FAM110B: variants seen among roughly 807,000 people sequenced by gnomAD.
FAM110B encodes the protein family with sequence similarity 110 member B.
FAM110B carries 6 observed loss-of-function variants against 20.4 expected under a neutral mutation model. The observed-to-expected ratio is 0.29, with a 90% CI of 0.16 to 0.58. The LOEUF is 0.58. Ranked by LOEUF, FAM110B falls within the 20% of genes least tolerant of loss-of-function variation. FAM110B has a pLI of 0.90. For missense variants in FAM110B, 434 were observed against 498.2 expected (o/e 0.87, Z 1.23); for synonymous variants, 226 against 214.1 (o/e 1.06, Z -0.49).
At chr8:58,079,223 G>A (rs1168714287) in intron 3 of FAM110B, among the ~76,000 whole-genome samples, 6 of 152,158 alleles carry the variant, frequency 3.9e-5, no homozygotes, top group East Asian at 1.9e-4. Flanking sequence ...GAGTCGGCAC[G>A]ACAGTGAGAC....
chr8:58,079,688 G>T (rs1225226047), intron 3 of FAM110B, among the ~76,000 whole-genome samples: 1 of 152,050 alleles, frequency 6.6e-6, no homozygotes, highest in African/African-American at 2.4e-5. Context: ...GGCTGAGGTG[G>T]GAGGATTGCT....
At chr8:58,074,918 G>A (rs1190788908) in intron 2 of FAM110B, among the ~76,000 whole-genome samples, 1 of 152,076 alleles carries the variant, frequency 6.6e-6, no homozygotes, top group East Asian at 1.9e-4. Context: ...TGTTATTTAT[G>A]CAACTCATCA....
At chr8:58,039,665 C>G (rs1444269093) in intron 2 of FAM110B, among the ~76,000 whole-genome samples, 7 of 152,214 alleles carry the variant, frequency 4.6e-5, no homozygotes, top group Non-Finnish European at 8.8e-5. Flanking sequence ...AATTTCAGAT[C>G]TGCCTCCTGA....
At chr8:58,068,937 T>A (rs1268098300) in intron 2 of FAM110B, among the ~76,000 whole-genome samples, 1 of 152,212 alleles carries the variant, frequency 6.6e-6, no homozygotes, top group Non-Finnish European at 1.5e-5. Flanking sequence ...AAAACATTTT[T>A]AAAATTTATA....
intron 1 of FAM110B, among the ~76,000 whole-genome samples, chr8:58,026,775 T>C (rs531839732): frequency 5.9e-5 from 9 of 152,326 alleles, no homozygotes; most frequent in African/African-American, 1.9e-4. Context: ...CTTCTGGTCA[T>C]GTTTCTACAT....
At chr8:58,125,208 C>T (rs996282184) in intron 3 of FAM110B, among the ~76,000 whole-genome samples, 16 of 151,996 alleles carry the variant, frequency 1.1e-4, no homozygotes, top group Admixed American at 7.9e-4. Flanking sequence ...ATTAGCTGGG[C>T]GTGGTGGCGC....
intron 2 of FAM110B, among the ~76,000 whole-genome samples, chr8:58,040,718 A>G (rs893120091): frequency 6.6e-6 from 1 of 152,176 alleles, no homozygotes; most frequent in African/African-American, 2.4e-5. Context: ...AGAGACTTAC[A>G]TTAAGGTAAG....
At chr8:58,075,275 T>TTGTGTGTGTGTGTGTGTGTGTGTG (rs60073899) in intron 2 of FAM110B, among the ~76,000 whole-genome samples, 1 of 141,670 alleles carries the variant, frequency 7.1e-6, no homozygotes, top group Admixed American at 6.9e-5. Flanking sequence ...TTTTTTTTTT[T>TTGTGTGTGTGTGTGTGTGTGTGTG]TGTGTGTGTG....
intron 1 of FAM110B, among the ~76,000 whole-genome samples, chr8:58,028,397 C>T (rs541185772): frequency 1.3e-5 from 2 of 152,314 alleles, no homozygotes; most frequent in South Asian, 2.1e-4. Flanking sequence ...TGAGCCACTG[C>T]GCCTGGTTAA....
chr8:58,043,388 G>A (rs542783417), intron 2 of FAM110B: 4 of 152,054 alleles, frequency 2.6e-5, no homozygotes, highest in African/African-American at 9.6e-5. Context: ...AAACAGATTG[G>A]TCTGCTGAAA....
chr8:58,126,685 C>G (rs1807515034), intron 3 of FAM110B, among the ~76,000 whole-genome samples: 1 of 151,966 alleles, frequency 6.6e-6, no homozygotes, highest in Non-Finnish European at 1.5e-5. Context: ...TTTCATATGT[C>G]TATTTGCCCT....
At position 58,118,719 on chromosome 8, in the gene FAM110B, C is replaced by A. The variant is rs554179254; in HGVS notation, c.-324-27188C>A. ...CAGGCCACTTATGGATTAAAAACTCCAAAAATCCCCTTTTGAAACCATAAA... is the reference window on the plus strand; with the variant it reads ...CAGGCCACTTATGGATTAAAAACTCAAAAAATCCCCTTTTGAAACCATAAA... On this transcript the variant is annotated intron_variant, in intron 3 of 3. Transcript: ENST00000519262. 3.3e-5 allele frequency among the ~76,000 whole-genome samples: 5 copies of A among 152,224 alleles called. No individual in the cohort carries two copies. The South Asian group carries it at 1.0e-3, about 32-fold the overall frequency.
intron 1 of FAM110B, among the ~76,000 whole-genome samples, chr8:58,008,565 A>G (rs747972072): frequency 8.5e-5 from 13 of 152,208 alleles, no homozygotes; most frequent in Non-Finnish European, 1.8e-4. Context: ...CAGCACATCA[A>G]ACATTTTTTT....
chr8:58,005,927 T>C (rs991151626), intron 1 of FAM110B, among the ~76,000 whole-genome samples: 2 of 152,238 alleles, frequency 1.3e-5, no homozygotes, highest in African/African-American at 4.8e-5. Flanking sequence ...TGATGGTAAC[T>C]ACCATTTATT....
intron 1 of FAM110B, among the ~76,000 whole-genome samples, chr8:58,010,715 T>C (rs1205291819): frequency 6.6e-6 from 1 of 152,218 alleles, no homozygotes; most frequent in African/African-American, 2.4e-5. Flanking sequence ...GGGCTAGGAA[T>C]ATCACTCCCA....
At chr8:58,044,806 A>C (rs997295488) in intron 2 of FAM110B, among the ~76,000 whole-genome samples, 6 of 152,218 alleles carry the variant, frequency 3.9e-5, no homozygotes, top group African/African-American at 1.4e-4. Flanking sequence ...GTGGTTAAAA[A>C]TCAGGCAACA....
intron 3 of FAM110B, among the ~76,000 whole-genome samples, chr8:58,088,311 A>G (rs1338816961): frequency 6.6e-6 from 1 of 152,196 alleles, no homozygotes; most frequent in African/African-American, 2.4e-5. Context: ...AAGTCTCTCC[A>G]TAAATGTCTT....
At chr8:58,085,008 A>G (rs998588471) in intron 3 of FAM110B, among the ~76,000 whole-genome samples, 4 of 152,170 alleles carry the variant, frequency 2.6e-5, no homozygotes, top group Admixed American at 1.3e-4. Context: ...GAGGCACAGG[A>G]TGCTAGGGCA....
chr8:58,020,454 T>C (rs777791412), intron 1 of FAM110B, among the ~76,000 whole-genome samples: 1 of 152,266 alleles, frequency 6.6e-6, no homozygotes, highest in Non-Finnish European at 1.5e-5. Flanking sequence ...AGCTCTCTTC[T>C]TAATGGAGAT....
Sources: gnomAD v4.1 joint callset for allele counts (sites outside exome capture counted in the v4.1 genomes callset) on GRCh38, gnomAD v4.1.1 for gene constraint, MANE v1.5 for transcripts, NCBI Gene and HGNC (gene_info 2026-07-23, HGNC 2026-07-21) for gene names.